The following CDH12 variants were observed in gnomAD, a reference collection of about 807,000 sequenced individuals.
CDH12 encodes the protein cadherin 12.
In CDH12, 41 loss-of-function variants were observed where a neutral mutation model predicts 74.1. The ratio of observed to expected loss-of-function variants is 0.55; its 90% CI spans 0.43 to 0.72. The LOEUF is 0.72. CDH12 is among the 30% of genes least tolerant of loss of function. CDH12 has a pLI of 0.00. For missense variants in CDH12, 945 were observed against 977.2 expected (o/e 0.97, Z 0.44); for synonymous variants, 399 against 355.0 (o/e 1.12, Z -1.39).
At chr5:22,339,711 C>A (rs1739760257) in intron 3 of CDH12, among the ~76,000 whole-genome samples, 1 of 152,008 alleles carries the variant, frequency 6.6e-6, no homozygotes, top group South Asian at 2.1e-4. Flanking sequence ...AAAATATACT[C>A]CACTGATTTT....
chr5:22,640,044 GA>G lies in CDH12; in HGVS notation c.-522-134681del, dbSNP rs546528157. On this transcript the variant is annotated intron_variant, in intron 1 of 14. Transcript: ENST00000382254. ...CCATATGCAGGGAGAGGAGCAGAGA[GA>G]AAAAATAAACAATAAAGAAAGTGGT... Among the ~76,000 whole-genome samples, 10 of 152,190 alleles carry G rather than the reference GA, an allele frequency of 6.6e-5. No individual in the cohort carries two copies. In the East Asian group the frequency reaches 1.7e-3, roughly 26 times the overall value.
chr5:22,245,940 A>G (rs1752929872), intron 3 of CDH12, among the ~76,000 whole-genome samples: 1 of 152,130 alleles, frequency 6.6e-6, no homozygotes, highest in Non-Finnish European at 1.5e-5. Context: ...AACACTCATG[A>G]TGAATATGCA....
chr5:21,873,967 G>T (rs1023037152), intron 6 of CDH12, among the ~76,000 whole-genome samples: 13 of 152,088 alleles, frequency 8.5e-5, no homozygotes, highest in African/African-American at 2.4e-4. Context: ...AGTATTCCAT[G>T]GTGTGTTTGT....
chr5:22,076,309 A>G lies in CDH12; in HGVS notation c.231+2137T>C, dbSNP rs545170416. 9.8e-5 allele frequency among the ~76,000 whole-genome samples: 15 copies of G among 152,310 alleles called. 1 individual carries two copies. The Middle Eastern group carries it at 0.01, about 104-fold the overall frequency. ...TTATAAAGTGGAATTTCAGAGTATCAAGCAAAAACTTGCATATACAATCCC... is the reference window on the plus strand; with the variant it reads ...TTATAAAGTGGAATTTCAGAGTATCGAGCAAAAACTTGCATATACAATCCC... On this transcript the variant is annotated intron_variant, in intron 5 of 14. Transcript: ENST00000382254.
intron 3 of CDH12, among the ~76,000 whole-genome samples, chr5:22,402,083 A>C (rs2126450061): frequency 6.6e-6 from 1 of 152,326 alleles, no homozygotes; most frequent in African/African-American, 2.4e-5. Flanking sequence ...TTGTTACGAC[A>C]GCCCCAGGAA....
At chr5:22,245,537 T>C (rs1275720918) in intron 3 of CDH12, among the ~76,000 whole-genome samples, 1 of 152,074 alleles carries the variant, frequency 6.6e-6, no homozygotes, top group Non-Finnish European at 1.5e-5. Context: ...AAGATACAAA[T>C]GATAGGGCAC....
chr5:22,144,825 T>C (rs976872318), intron 4 of CDH12, among the ~76,000 whole-genome samples: 1 of 152,146 alleles, frequency 6.6e-6, no homozygotes. Context: ...TGAATATTAA[T>C]TTAAATTACT....
intron 4 of CDH12, among the ~76,000 whole-genome samples, chr5:22,206,921 T>C (rs1156477447): frequency 6.6e-6 from 1 of 150,876 alleles, no homozygotes; most frequent in Admixed American, 6.6e-5. Flanking sequence ...GATTTAAAAA[T>C]ATTCTACCAC....
intron 1 of CDH12, among the ~76,000 whole-genome samples, chr5:22,623,429 CA>C (rs1236343137): frequency 6.6e-6 from 1 of 152,154 alleles, no homozygotes; most frequent in Non-Finnish European, 1.5e-5. Flanking sequence ...AGTCTCAACC[CA>C]AAATCTCCTT....
intron 1 of CDH12, among the ~76,000 whole-genome samples, chr5:22,594,430 A>C (rs1736497691): frequency 6.6e-6 from 1 of 152,142 alleles, no homozygotes. Flanking sequence ...ATCTCCATCC[A>C]GGTGGGAATT....
chr5:22,739,295 A>AT (rs5866589), intron 1 of CDH12, among the ~76,000 whole-genome samples: 45,219 of 151,242 alleles, frequency 0.3, 6,896 homozygotes, highest in South Asian at 0.35. Flanking sequence ...TATATACAAC[A>AT]TTTTTGAATT....
At chr5:21,819,248 C>T (rs1214146793) in intron 8 of CDH12, among the ~76,000 whole-genome samples, 3 of 151,846 alleles carry the variant, frequency 2.0e-5, no homozygotes, top group Non-Finnish European at 4.4e-5. Flanking sequence ...AACCATGATC[C>T]TAGTGAGGCA....
chr5:22,155,443 A>T (rs190429072), intron 4 of CDH12, among the ~76,000 whole-genome samples: 17,045 of 152,104 alleles, frequency 0.11, 1,513 homozygotes, highest in African/African-American at 0.25. Flanking sequence ...AAATGTTAGG[A>T]AACATAGTTA....
In CDH12 at chr5:21,999,881, T is replaced by C. The variant is rs189044226; in HGVS notation, c.232-24496A>G. ...CTTGGGCAAAATAATTAACTTTGTA[T>C]GTGTAAAAGGGAAATAACTGTGGCA... On this transcript the variant is annotated intron_variant, in intron 5 of 14. Transcript: ENST00000382254. Among the ~76,000 whole-genome samples the C allele has an allele frequency of 1.2e-3, 180 of 152,010 alleles. No individual in the cohort carries two copies. In the Middle Eastern group the frequency reaches 0.014, roughly 11 times the overall value.
In CDH12 at chr5:22,580,507, C is replaced by T. The variant is rs546461161; in HGVS notation, c.-522-75143G>A. On this transcript the variant is annotated intron_variant, in intron 1 of 14. Transcript: ENST00000382254. Reference sequence around the variant, plus strand: ...TACTTATGGCTTGTAGAGAGTGAGCCGGGGACTTCAGGAATACTCTGGATG... The same window carrying T: ...TACTTATGGCTTGTAGAGAGTGAGCTGGGGACTTCAGGAATACTCTGGATG... 4.4e-4 allele frequency: 211 copies of T among 479,766 alleles called. 1 individual carries two copies. The highest frequency in any genetic ancestry group is 7.8e-4 in the African/African-American group (40 of 50,992). The allele number at this position is 479,766 out of a possible 1,614,324, so 29.7% of individuals were successfully genotyped here.
At chr5:22,804,697 T>G (rs1748697841) in intron 1 of CDH12, among the ~76,000 whole-genome samples, 1 of 152,206 alleles carries the variant, frequency 6.6e-6, no homozygotes, top group African/African-American at 2.4e-5. Context: ...ATTGTATATC[T>G]TAACCATACC....
At chr5:22,402,925 G>A (rs1308785862) in intron 3 of CDH12, among the ~76,000 whole-genome samples, 1 of 152,106 alleles carries the variant, frequency 6.6e-6, no homozygotes, top group Admixed American at 6.6e-5. Flanking sequence ...ATAAACATTG[G>A]CAGCTTGGAT....
intron 1 of CDH12, among the ~76,000 whole-genome samples, chr5:22,594,915 C>A (rs930945408): frequency 3.9e-5 from 6 of 152,132 alleles, no homozygotes; most frequent in African/African-American, 9.7e-5. Flanking sequence ...TCATAGCTAT[C>A]TTGGATTTAC....
chr5:22,042,913 T>A (rs1250134076), intron 5 of CDH12, among the ~76,000 whole-genome samples: 7 of 120,770 alleles, frequency 5.8e-5, no homozygotes, highest in Admixed American at 1.6e-4. Flanking sequence ...AAAAAAAAAA[T>A]TCATAATAGA....
Sources: gnomAD v4.1 joint callset for allele counts (sites outside exome capture counted in the v4.1 genomes callset) on GRCh38, gnomAD v4.1.1 for gene constraint, MANE v1.5 for transcripts, NCBI Gene and HGNC (gene_info 2026-07-23, HGNC 2026-07-21) for gene names.